ANO1: variants seen among roughly 807,000 people sequenced by gnomAD.
ANO1 encodes the protein anoctamin-1.
In ANO1, 59 loss-of-function variants were observed where a neutral mutation model predicts 124.0. That is an observed-to-expected ratio of 0.48 (90% CI 0.39 to 0.59). ANO1 has a LOEUF of 0.59. Ranked by LOEUF, ANO1 falls within the 20% of genes least tolerant of loss-of-function variation. The pLI is 0.00. For synonymous variants in ANO1, 529 were observed against 532.0 expected (o/e 0.99, Z 0.08); for missense variants, 1,059 against 1,328.0 (o/e 0.80, Z 3.15).
intron 1 of ANO1, among the ~76,000 whole-genome samples, chr11:70,008,838 G>C (rs559864792): frequency 1.1e-4 from 17 of 152,076 alleles, no homozygotes; most frequent in Non-Finnish European, 1.9e-4. Context: ...AGGGAAGGCC[G>C]GCTCTCCCTT....
intron 1 of ANO1, among the ~76,000 whole-genome samples, chr11:69,998,258 C>A (rs561775816): frequency 1.3e-5 from 2 of 152,362 alleles, no homozygotes; most frequent in South Asian, 4.1e-4. Flanking sequence ...AACATCTACA[C>A]CCCATTAAGA....
intron 1 of ANO1, among the ~76,000 whole-genome samples, chr11:70,081,681 C>T (rs942720831): frequency 6.6e-6 from 1 of 152,124 alleles, no homozygotes; most frequent in Non-Finnish European, 1.5e-5. Context: ...GCGGAAGAAA[C>T]CAGAGCCCAG....
At chr11:69,977,080 C>T in the ANO1 span, among the ~76,000 whole-genome samples, 2 of 152,228 alleles carry the variant, frequency 1.3e-5, no homozygotes, top group African/African-American at 4.8e-5. Flanking sequence ...TGAGGGAGCT[C>T]ATCTTGCAGA....
At chr11:70,109,962 C>T (rs2045704908) in intron 6 of ANO1, among the ~76,000 whole-genome samples, 3 of 152,118 alleles carry the variant, frequency 2.0e-5, no homozygotes, top group African/African-American at 4.8e-5. Flanking sequence ...AATTCATCCG[C>T]AAGTGCTGAG....
intron 1 of ANO1, among the ~76,000 whole-genome samples, chr11:69,998,179 C>A (rs1473372980): frequency 6.6e-6 from 1 of 152,194 alleles, no homozygotes; most frequent in Non-Finnish European, 1.5e-5. Flanking sequence ...TTAGACTGAG[C>A]TGTAATTTAC....
At chr11:70,076,356 C>T (rs1192548621), upstream of ANO1, among the ~76,000 whole-genome samples, 1 of 152,104 alleles carries the variant, frequency 6.6e-6, no homozygotes, top group African/African-American at 2.4e-5. Context: ...CCCCAGAGCC[C>T]TCTCAGGCCA....
the ANO1 span, among the ~76,000 whole-genome samples, chr11:69,969,984 G>A: frequency 6.6e-6 from 1 of 152,086 alleles, no homozygotes; most frequent in Non-Finnish European, 1.5e-5. Flanking sequence ...GAGAGACCTG[G>A]ATGCAGGAGC....
At chr11:70,148,124 C>T (rs1040642330) in intron 11 of ANO1, among the ~76,000 whole-genome samples, 2 of 152,198 alleles carry the variant, frequency 1.3e-5, no homozygotes, top group Non-Finnish European at 2.9e-5. Flanking sequence ...CCATGACTTT[C>T]GTTCTTTCCT....
At chr11:70,111,575 T>C in intron 6 of ANO1, 132 bp from the exon 7 acceptor site, 1 of 814,574 alleles carries the variant, frequency 1.2e-6, no homozygotes, top group Non-Finnish European at 2.1e-6. Flanking sequence ...GTGGCCGGGC[T>C]CTGCGTAGTC....
chr11:70,171,146 C>T, intron 22 of ANO1, 107 bp downstream of exon 22: 1 of 1,426,292 alleles, frequency 7.0e-7, no homozygotes, highest in Non-Finnish European at 9.4e-7. Context: ...AGGTGTCCCT[C>T]CTGGGGCTCT....
intron 1 of ANO1, chr11:70,085,751 C>A: frequency 1.4e-6 from 2 of 1,401,600 alleles, no homozygotes. Context: ...AGCCTCCACT[C>A]GAGGCCTTCC....
chr11:70,154,626 C>T (rs1276413570), intron 14 of ANO1, among the ~76,000 whole-genome samples: 8 of 151,736 alleles, frequency 5.3e-5, no homozygotes, highest in Non-Finnish European at 1.0e-4. Context: ...ACCACCACAC[C>T]CAGCTAATTT....
At chr11:70,048,693 T>G in intron 1 of ANO1, among the ~76,000 whole-genome samples, 1 of 129,610 alleles carries the variant, frequency 7.7e-6, no homozygotes, top group Non-Finnish European at 1.6e-5. Context: ...TCCCCACTCT[T>G]CTCCACCCCC....
rs987518095 is a variant in ANO1, at chr11:70,131,946, T to C, written c.1125T>C (p.Asn375=). 61 of 1,608,936 alleles carry C rather than the reference T, an allele frequency of 3.8e-5. No individual in the cohort carries two copies. Among genetic ancestry groups the C allele is most frequent in the Non-Finnish European group, 5.0e-5 (59 of 1,179,732 alleles). ...TGGAGATGTGTGACCAGAGACACAATATCACCATGTGCCCGCTTTGCGACA... is the reference window on the plus strand; with the variant it reads ...TGGAGATGTGTGACCAGAGACACAACATCACCATGTGCCCGCTTTGCGACA... ...PSMEMCDQRH[N]ITMCPLCDKT... Residue 375 remains asparagine (N), a synonymous_variant, in exon 11 of 26, where the codon AAT becomes AAC. Transcript: ENST00000355303.
At chr11:70,167,176 G>A in intron 20 of ANO1, 66 bp from the exon 21 acceptor site, 1 of 1,574,832 alleles carries the variant, frequency 6.3e-7, no homozygotes, top group Admixed American at 1.8e-5. Flanking sequence ...ATCACTAGAG[G>A]TGCCAGACCC....
In ANO1 at chr11:70,131,961, G is replaced by A. The variant is rs745644830; in HGVS notation, c.1140G>A (p.Pro380=). 3.1e-5 allele frequency: 50 copies of A among 1,609,714 alleles called. No homozygotes were observed. Among genetic ancestry groups the A allele is most frequent in the African/African-American group, 6.7e-5 (5 of 74,910 alleles). Residue 380 remains proline, a synonymous_variant, in exon 11 of 26, where the codon CCG becomes CCA. Transcript: ENST00000355303. ...AGAGACACAATATCACCATGTGCCC[G>A]CTTTGCGACAAGACCTGCAGCTACT... The part of the protein sequence containing the change: ...CDQRHNITMC[P]LCDKTCSYWK...
rs2135161825 is a variant in ANO1, at chr11:70,078,372, G to A, written c.-235G>A. Reference sequence around the variant, plus strand: ...GGCCCGCGGGACCAGCAGCCGGGTGGCGGCGCGATCGGCCCCGAGAGGCTC... The same window carrying A: ...GGCCCGCGGGACCAGCAGCCGGGTGACGGCGCGATCGGCCCCGAGAGGCTC... On this transcript the variant is annotated 5_prime_UTR_variant, in exon 1 of 26. Coordinates refer to ENST00000355303, the MANE Select transcript of ANO1 (RefSeq NM_018043.7). 1 of 149,132 alleles carries A rather than the reference G, an allele frequency of 6.7e-6. No homozygotes were observed. Among genetic ancestry groups the A allele is most frequent in the Admixed American group, 6.7e-5 (1 of 14,986 alleles). The allele number at this position is 149,132 out of a possible 1,614,324, so 9.2% of individuals were successfully genotyped here.
At chr11:69,976,022 C>T in the ANO1 span, among the ~76,000 whole-genome samples, 2 of 152,144 alleles carry the variant, frequency 1.3e-5, no homozygotes, top group Non-Finnish European at 2.9e-5. Flanking sequence ...CCCGCCTGTC[C>T]CCACCATGCT....
chr11:70,082,844 TCC>T (rs2044244803), intron 1 of ANO1, among the ~76,000 whole-genome samples: 1 of 152,164 alleles, frequency 6.6e-6, no homozygotes, highest in Non-Finnish European at 1.5e-5. Context: ...CCCGACTCTC[TCC>T]AAGCCCAGCT....
Sources: gnomAD v4.1 joint callset for allele counts (sites outside exome capture counted in the v4.1 genomes callset) on GRCh38, gnomAD v4.1.1 for gene constraint, MANE v1.5 for transcripts, NCBI Gene and HGNC (gene_info 2026-07-23, HGNC 2026-07-21) for gene names.